DSCAM: variants seen among roughly 807,000 people sequenced by gnomAD.
DSCAM encodes the protein DS cell adhesion molecule, also known as cell adhesion molecule DSCAM.
A neutral mutation model predicts 217.7 loss-of-function variants in DSCAM; 47 were observed. The observed-to-expected ratio is 0.22, with a 90% CI of 0.17 to 0.28. The LOEUF is 0.28. DSCAM is among the 10% of genes least tolerant of loss of function. The pLI, the probability that DSCAM is intolerant of heterozygous loss-of-function variation, is 1.00. For synonymous variants in DSCAM, 1,056 were observed against 1,015.3 expected (o/e 1.04, Z -0.76); for missense variants, 2,080 against 2,618.3 (o/e 0.79, Z 4.49).
chr21:40,376,662 CTT>C (rs1378393189), intron 3 of DSCAM, among the ~76,000 whole-genome samples: 57 of 143,412 alleles, frequency 4.0e-4, no homozygotes, highest in African/African-American at 1.3e-3. Flanking sequence ...ATCTATATAT[CTT>C]ATATAGATAT....
chr21:40,512,700 G>C (rs2076269179), intron 3 of DSCAM, among the ~76,000 whole-genome samples: 1 of 151,858 alleles, frequency 6.6e-6, no homozygotes, highest in African/African-American at 2.4e-5. Flanking sequence ...TAAAGTTATA[G>C]TACTGTATAG....
chr21:40,534,246 T>C (rs2076477464), intron 3 of DSCAM, among the ~76,000 whole-genome samples: 1 of 152,202 alleles, frequency 6.6e-6, no homozygotes, highest in Admixed American at 6.5e-5. Context: ...TCAATTCAGA[T>C]TCCTTTTGAC....
At chr21:40,236,798 C>T (rs866491019) in intron 11 of DSCAM, among the ~76,000 whole-genome samples, 2 of 152,170 alleles carry the variant, frequency 1.3e-5, no homozygotes, top group Non-Finnish European at 2.9e-5. Flanking sequence ...CCTAATTACA[C>T]TCAGATAACC....
chr21:40,160,815 A>T (rs575556215), intron 16 of DSCAM, among the ~76,000 whole-genome samples: 3 of 152,344 alleles, frequency 2.0e-5, no homozygotes, highest in African/African-American at 7.2e-5. Context: ...CAAAGTGCCT[A>T]CACTTAGATT....
At chr21:40,143,099 G>A (rs78327843) in intron 17 of DSCAM, among the ~76,000 whole-genome samples, 3,255 of 152,184 alleles carry the variant, frequency 0.021, 112 homozygotes, top group African/African-American at 0.067. Context: ...ATAGAGTACG[G>A]TACCTCTGTA....
intron 4 of DSCAM, among the ~76,000 whole-genome samples, chr21:40,359,528 T>G (rs1406104849): frequency 6.6e-6 from 1 of 152,200 alleles, no homozygotes; most frequent in Non-Finnish European, 1.5e-5. Context: ...GGTACAAATG[T>G]CCATAGCAGG....
intron 1 of DSCAM, among the ~76,000 whole-genome samples, chr21:40,761,557 C>A (rs993658929): frequency 1.3e-5 from 2 of 152,012 alleles, no homozygotes; most frequent in Admixed American, 1.3e-4. Flanking sequence ...AGAAAAAAAA[C>A]AACCCTGTTG....
chr21:40,371,422 C>CA (rs35103902), intron 3 of DSCAM, among the ~76,000 whole-genome samples: 63,194 of 142,552 alleles, frequency 0.44, 13,852 homozygotes, highest in South Asian at 0.63. Context: ...AAAGGAAAGT[C>CA]AAAAAAAAAA....
chr21:40,330,255 ATATT>A (rs1601556436), intron 8 of DSCAM, among the ~76,000 whole-genome samples: 1 of 148,090 alleles, frequency 6.8e-6, no homozygotes, highest in Non-Finnish European at 1.5e-5. Flanking sequence ...ATTTATGCAT[ATATT>A]TATATATATC....
intron 3 of DSCAM, among the ~76,000 whole-genome samples, chr21:40,427,067 A>T (rs2075481603): frequency 6.6e-6 from 1 of 152,184 alleles, no homozygotes; most frequent in South Asian, 2.1e-4. Context: ...TTCCAGGCTC[A>T]CCAAGCAACC....
intron 3 of DSCAM, among the ~76,000 whole-genome samples, chr21:40,523,316 C>G (rs772909081): frequency 3.3e-5 from 5 of 152,122 alleles, no homozygotes; most frequent in Non-Finnish European, 4.4e-5. Flanking sequence ...GCCATGCCCC[C>G]ATCCTGTGCC....
At chr21:40,385,410 A>C (rs1296397723) in intron 3 of DSCAM, 1 of 152,228 alleles carries the variant, frequency 6.6e-6, no homozygotes, top group Non-Finnish European at 1.5e-5. Flanking sequence ...CATACAGAGT[A>C]GTGGTTCATT....
chr21:40,510,144 T>A (rs74998131), intron 3 of DSCAM, among the ~76,000 whole-genome samples: 147 of 151,850 alleles, frequency 9.7e-4, no homozygotes, highest in Middle Eastern at 3.4e-3. Flanking sequence ...AATCTAAAAT[T>A]GTCCCCCCCC....
At chr21:40,050,840 C>T (rs1337976367) in intron 30 of DSCAM, among the ~76,000 whole-genome samples, 7 of 152,064 alleles carry the variant, frequency 4.6e-5, no homozygotes, top group African/African-American at 1.7e-4. Flanking sequence ...ACTCATATCC[C>T]GTTTATGTCT....
At chr21:40,666,344 T>C (rs955359925) in intron 3 of DSCAM, among the ~76,000 whole-genome samples, 1 of 152,116 alleles carries the variant, frequency 6.6e-6, no homozygotes, top group South Asian at 2.1e-4. Context: ...AGTAGTATCA[T>C]CCTCATCATT....
At chr21:40,147,222 G>A (rs1406920952) in intron 16 of DSCAM, among the ~76,000 whole-genome samples, 2 of 152,200 alleles carry the variant, frequency 1.3e-5, no homozygotes, top group Non-Finnish European at 2.9e-5. Context: ...AAATGCCTGT[G>A]AGAAAGTGTT....
At chr21:40,201,520 C>T (rs999828655) in intron 11 of DSCAM, among the ~76,000 whole-genome samples, 3 of 152,158 alleles carry the variant, frequency 2.0e-5, no homozygotes, top group Non-Finnish European at 4.4e-5. Context: ...CAGCTCGCTG[C>T]AACCTCTGCC....
At chr21:40,329,132 C>T (rs1245094378) in intron 8 of DSCAM, among the ~76,000 whole-genome samples, 1 of 152,094 alleles carries the variant, frequency 6.6e-6, no homozygotes, top group Non-Finnish European at 1.5e-5. Flanking sequence ...AAAATAGAAC[C>T]ACCATATTTT....
intron 19 of DSCAM, among the ~76,000 whole-genome samples, chr21:40,126,829 T>C (rs546286573): frequency 2.2e-4 from 33 of 152,330 alleles, no homozygotes; most frequent in African/African-American, 7.0e-4. Flanking sequence ...TTTCCTTGTA[T>C]GGTTACTAGA....
Sources: gnomAD v4.1 joint callset for allele counts (sites outside exome capture counted in the v4.1 genomes callset) on GRCh38, gnomAD v4.1.1 for gene constraint, MANE v1.5 for transcripts, NCBI Gene and HGNC (gene_info 2026-07-23, HGNC 2026-07-21) for gene names.